The following GRID2 variants were observed in gnomAD, a reference collection of about 807,000 sequenced individuals.
GRID2 encodes glutamate ionotropic receptor delta type subunit 2, also known as glutamate receptor ionotropic, delta-2.
GRID2 carries 33 observed loss-of-function variants against 114.8 expected under a neutral mutation model. That is an observed-to-expected ratio of 0.29 (90% confidence interval 0.22 to 0.38). GRID2 has a LOEUF of 0.38. GRID2 is among the 10% of genes least tolerant of loss of function. The pLI is 1.00. For synonymous variants in GRID2, 505 were observed against 449.9 expected (o/e 1.12, Z -1.55); for missense variants, 1,184 against 1,257.7 (o/e 0.94, Z 0.89).
chr4:93,299,608 A>G (rs563264969), intron 8 of GRID2, among the ~76,000 whole-genome samples: 2 of 151,626 alleles, frequency 1.3e-5, no homozygotes, highest in Admixed American at 6.6e-5. Flanking sequence ...TTAAATGATG[A>G]GTTGATGGGT....
chr4:93,077,103 A>G (rs979785039), intron 2 of GRID2, among the ~76,000 whole-genome samples: 15 of 152,148 alleles, frequency 9.9e-5, no homozygotes, highest in African/African-American at 3.6e-4. Context: ...CAGCTTAAAG[A>G]CAGTTTTGGT....
intron 2 of GRID2, among the ~76,000 whole-genome samples, chr4:92,602,240 GAAAAAGA>G (rs1170268441): frequency 6.8e-5 from 10 of 147,148 alleles, no homozygotes; most frequent in African/African-American, 2.5e-4. Context: ...AAAAAAGAAA[GAAAAAGA>G]AAAAAGAAAA....
chr4:93,646,895 T>C (rs1722162181), intron 14 of GRID2, among the ~76,000 whole-genome samples: 1 of 152,186 alleles, frequency 6.6e-6, no homozygotes. Context: ...TTAACTGAAC[T>C]GGTCAAGCAT....
At chr4:93,165,231 G>A (rs1264533342) in intron 4 of GRID2, among the ~76,000 whole-genome samples, 3 of 151,996 alleles carry the variant, frequency 2.0e-5, no homozygotes, top group South Asian at 2.1e-4. Flanking sequence ...TACAACTGGC[G>A]GAAGGAGAGG....
At chr4:92,434,689 T>A (rs1732644138) in intron 1 of GRID2, among the ~76,000 whole-genome samples, 1 of 152,100 alleles carries the variant, frequency 6.6e-6, no homozygotes, top group Admixed American at 6.6e-5. Context: ...AAATAACTTC[T>A]AATATATTTG....
At chr4:92,736,409 C>T (rs189619129) in intron 2 of GRID2, among the ~76,000 whole-genome samples, 6 of 151,948 alleles carry the variant, frequency 3.9e-5, no homozygotes, top group Admixed American at 6.6e-5. Context: ...AAATTTTTAT[C>T]GTTTTAAGAT....
intron 1 of GRID2, among the ~76,000 whole-genome samples, chr4:92,460,353 T>C (rs377613193): frequency 4.6e-5 from 7 of 151,990 alleles, no homozygotes; most frequent in African/African-American, 1.7e-4. Flanking sequence ...GGGAATTCAG[T>C]GAACCCTACA....
At chr4:93,705,016 A>G (rs1464214143) in intron 14 of GRID2, among the ~76,000 whole-genome samples, 2 of 152,126 alleles carry the variant, frequency 1.3e-5, no homozygotes, top group Non-Finnish European at 2.9e-5. Context: ...TTAGTTTTTA[A>G]GGAGCCTCTA....
chr4:92,896,773 C>G (rs1414477208), intron 2 of GRID2, among the ~76,000 whole-genome samples: 1 of 152,232 alleles, frequency 6.6e-6, no homozygotes, highest in African/African-American at 2.4e-5. Flanking sequence ...GACGGAGTCT[C>G]GCTCTGTCGC....
chr4:92,337,807 A>G (rs2110156220), intron 1 of GRID2, among the ~76,000 whole-genome samples: 1 of 152,302 alleles, frequency 6.6e-6, no homozygotes, highest in South Asian at 2.1e-4. Flanking sequence ...CTAGGCAAAT[A>G]AATGGTTCCA....
intron 1 of GRID2, among the ~76,000 whole-genome samples, chr4:92,471,023 T>C (rs532109747): frequency 1.3e-5 from 2 of 152,120 alleles, no homozygotes; most frequent in Non-Finnish European, 1.5e-5. Context: ...AGGGTACAAA[T>C]CCTGACAGCA....
At chr4:93,705,712 C>G (rs546754932) in intron 14 of GRID2, among the ~76,000 whole-genome samples, 5 of 152,048 alleles carry the variant, frequency 3.3e-5, no homozygotes, top group Non-Finnish European at 7.4e-5. Flanking sequence ...TTCATTTTTG[C>G]TTGGTTGCCT....
chr4:92,745,418 A>T (rs368544550), intron 2 of GRID2, among the ~76,000 whole-genome samples: 1 of 152,208 alleles, frequency 6.6e-6, no homozygotes, highest in South Asian at 2.1e-4. Flanking sequence ...TTGCCTAGGC[A>T]TATTGTATAG....
intron 14 of GRID2, among the ~76,000 whole-genome samples, chr4:93,737,135 T>C (rs920370920): frequency 6.6e-6 from 1 of 152,116 alleles, no homozygotes; most frequent in African/African-American, 2.4e-5. Flanking sequence ...AATTTACATA[T>C]GATGCCATAG....
intron 2 of GRID2, among the ~76,000 whole-genome samples, chr4:93,017,787 G>GAGCA (rs1245032072): frequency 6.1e-4 from 83 of 136,284 alleles, no homozygotes; most frequent in African/African-American, 2.2e-3. Flanking sequence ...AGCCAGGACA[G>GAGCA]AGCAAGGCTC....
intron 14 of GRID2, among the ~76,000 whole-genome samples, chr4:93,678,840 C>A (rs1725196791): frequency 2.0e-5 from 3 of 151,206 alleles, no homozygotes; most frequent in African/African-American, 7.3e-5. Flanking sequence ...AATGTAAAGA[C>A]CATCGAGACT....
At chr4:92,883,689 C>T (rs567543571) in intron 2 of GRID2, among the ~76,000 whole-genome samples, 14 of 152,216 alleles carry the variant, frequency 9.2e-5, no homozygotes, top group Admixed American at 7.2e-4. Flanking sequence ...TAGCGGATGT[C>T]TTGGGTGACC....
At chr4:93,452,229 T>G (rs1722757004) in intron 10 of GRID2, among the ~76,000 whole-genome samples, 1 of 152,112 alleles carries the variant, frequency 6.6e-6, no homozygotes, top group African/African-American at 2.4e-5. Flanking sequence ...GAGGGAGAAA[T>G]CATCAATGCT....
At chr4:93,281,294 C>CTAAG (rs1752624371) in intron 8 of GRID2, among the ~76,000 whole-genome samples, 1 of 151,602 alleles carries the variant, frequency 6.6e-6, no homozygotes, top group Non-Finnish European at 1.5e-5. Context: ...ACAGCAAATG[C>CTAAG]TAAGGTTCTG....
Sources: gnomAD v4.1 joint callset for allele counts (sites outside exome capture counted in the v4.1 genomes callset) on GRCh38, gnomAD v4.1.1 for gene constraint, MANE v1.5 for transcripts, NCBI Gene and HGNC (gene_info 2026-07-23, HGNC 2026-07-21) for gene names.